KIAA1217: variants seen among roughly 807,000 people sequenced by gnomAD.
KIAA1217 encodes the protein KIAA1217, also known as sickle tail protein homolog.
A neutral mutation model predicts 163.9 loss-of-function variants in KIAA1217; 88 were observed. The observed-to-expected ratio is 0.54, with a 90% CI of 0.45 to 0.64. The LOEUF is 0.64. KIAA1217 is among the 30% of genes least tolerant of loss of function. The pLI is 0.00. For missense variants in KIAA1217, 2,372 were observed against 2,475.0 expected (o/e 0.96, Z 0.88); for synonymous variants, 903 against 923.1 (o/e 0.98, Z 0.39).
In KIAA1217 at chr10:24,066,480, T is replaced by C. The variant is rs2060951521; in HGVS notation, c.-171+59106T>C. On this transcript the variant is annotated intron_variant, in intron 2 of 18. Transcript: ENST00000376462. ...ATGTTGAATATTGGCCCCCACTCCC[T>C]TCTGGCTTGTAGAGTTTCTGCCGAG... is the stretch of plus-strand genomic sequence containing the variant. Among the ~76,000 whole-genome samples the C allele has an allele frequency of 2.0e-5, 3 of 152,228 alleles. No homozygotes were observed. In the South Asian group the frequency reaches 6.2e-4, roughly 31 times the overall value.
At chr10:24,466,421 T>TGAGTC in intron 5 of KIAA1217, 1 of 547,240 alleles carries the variant, frequency 1.8e-6, no homozygotes, top group South Asian at 8.0e-5. Context: ...GTTGAAGGAC[T>TGAGTC]GAGTCACCCG....
Position 24,193,629 on chromosome 10 carries a change from C to T in KIAA1217, c.-170-25997C>T, listed in dbSNP as rs1379256306. Reference sequence around the variant, plus strand: ...ACATGAACAATGGCTTAAATTGTTTCTTCTTGAGGAAATAAACGAGCTGCG... The same window carrying T: ...ACATGAACAATGGCTTAAATTGTTTTTTCTTGAGGAAATAAACGAGCTGCG... On this transcript the variant is annotated intron_variant, in intron 2 of 18. Transcript: ENST00000376462. 2.0e-5 allele frequency among the ~76,000 whole-genome samples: 3 copies of T among 152,182 alleles called. No individual in the cohort carries two copies. In the East Asian group the frequency reaches 5.8e-4, roughly 29 times the overall value.
intron 17 of KIAA1217, among the ~76,000 whole-genome samples, chr10:24,541,425 T>A (rs563066737): frequency 6.6e-6 from 1 of 152,198 alleles, no homozygotes; most frequent in Admixed American, 6.6e-5. Flanking sequence ...GACTGCGTTG[T>A]TTGTGTGTCA....
intron 1 of KIAA1217, among the ~76,000 whole-genome samples, chr10:23,780,418 C>A (rs1835203904): frequency 6.6e-6 from 1 of 152,168 alleles, no homozygotes; most frequent in Non-Finnish European, 1.5e-5. Flanking sequence ...ACCCACATAT[C>A]CCATTTCCTG....
At chr10:24,084,442 G>T (rs139123891) in intron 2 of KIAA1217, among the ~76,000 whole-genome samples, 348 of 152,240 alleles carry the variant, frequency 2.3e-3, no homozygotes, top group African/African-American at 8.1e-3. Context: ...GACACGAAGT[G>T]CTTTTTGTGT....
intron 8 of KIAA1217, among the ~76,000 whole-genome samples, chr10:24,499,703 G>A (rs563351283): frequency 6.6e-6 from 1 of 152,296 alleles, no homozygotes; most frequent in African/African-American, 2.4e-5. Flanking sequence ...CTGCACTCCA[G>A]CCTGGACAAG....
intron 2 of KIAA1217, among the ~76,000 whole-genome samples, chr10:24,202,906 C>T (rs1407007085): frequency 3.3e-5 from 5 of 152,092 alleles, no homozygotes; most frequent in East Asian, 1.9e-4. Flanking sequence ...ATAGGTATAC[C>T]GGGCCAGGGG....
intron 1 of KIAA1217, among the ~76,000 whole-genome samples, chr10:23,759,492 T>C (rs35648795): frequency 0.07 from 10,726 of 152,266 alleles, 568 homozygotes; most frequent in African/African-American, 0.14. Context: ...TTCCTGATCT[T>C]AGAGGAAAAG....
intron 1 of KIAA1217, among the ~76,000 whole-genome samples, chr10:23,998,718 G>A (rs1434162006): frequency 6.6e-6 from 1 of 152,170 alleles, no homozygotes; most frequent in Admixed American, 6.5e-5. Context: ...ACTTACAAAA[G>A]GTCTTACTGA....
At chr10:24,251,355 G>C (rs1361681499) in intron 2 of KIAA1217, among the ~76,000 whole-genome samples, 8 of 135,984 alleles carry the variant, frequency 5.9e-5, no homozygotes, top group Non-Finnish European at 1.1e-4. Context: ...AGCTGTGATT[G>C]TAACTACTGC....
chr10:23,827,986 G>A (rs572623178), intron 1 of KIAA1217, among the ~76,000 whole-genome samples: 1 of 152,354 alleles, frequency 6.6e-6, no homozygotes, highest in South Asian at 2.1e-4. Context: ...AAGTCACAGA[G>A]ACACAGTGAA....
chr10:24,361,879 G>A (rs1014637963), intron 2 of KIAA1217, among the ~76,000 whole-genome samples: 3 of 151,332 alleles, frequency 2.0e-5, no homozygotes, highest in Admixed American at 2.0e-4. Flanking sequence ...GAAGGCTGAG[G>A]CAGGAGAATG....
intron 1 of KIAA1217, among the ~76,000 whole-genome samples, chr10:23,948,383 T>G (rs573673962): frequency 6.6e-6 from 1 of 152,172 alleles, no homozygotes; most frequent in Admixed American, 6.5e-5. Flanking sequence ...CTTACCAGGG[T>G]TTCAAATTTA....
chr10:24,445,063 C>G (rs891661775), intron 5 of KIAA1217, among the ~76,000 whole-genome samples: 1 of 152,168 alleles, frequency 6.6e-6, no homozygotes, highest in Non-Finnish European at 1.5e-5. Context: ...TAGAAGATAG[C>G]AAACCTTTTT....
chr10:23,907,879 T>C (rs1341279638), intron 1 of KIAA1217, among the ~76,000 whole-genome samples: 2 of 150,544 alleles, frequency 1.3e-5, no homozygotes, highest in Non-Finnish European at 3.0e-5. Flanking sequence ...GAAAAAACAA[T>C]GAACAAGAAA....
At chr10:24,435,339 C>T (rs1437176711) in intron 4 of KIAA1217, among the ~76,000 whole-genome samples, 6 of 152,108 alleles carry the variant, frequency 3.9e-5, no homozygotes, top group African/African-American at 1.4e-4. Context: ...ATTCACAAAG[C>T]GTAAACTTGA....
intron 1 of KIAA1217, among the ~76,000 whole-genome samples, chr10:23,922,769 GC>G (rs1418397039): frequency 2.0e-5 from 3 of 152,150 alleles, no homozygotes; most frequent in Admixed American, 2.0e-4. Flanking sequence ...TAAGGGGGAT[GC>G]TTTTAATGAC....
Position 24,381,098 on chromosome 10 carries a change from CT to C in KIAA1217, c.553+34del, listed in dbSNP as rs369050048. 854 of 1,470,494 alleles carry C rather than the reference CT, an allele frequency of 5.8e-4. 6 individuals carry two copies. In the African/African-American group the frequency reaches 0.011, roughly 18 times the overall value. The allele number at this position is 1,470,494 out of a possible 1,614,324, so 91.1% of individuals were successfully genotyped here. ...CTTTAGAAGGCAGTTTCTGATGCCCCTTTCTTACTGAATGCGTTTGTTGTTA... is the reference window on the plus strand; with the variant it reads ...CTTTAGAAGGCAGTTTCTGATGCCCCTTCTTACTGAATGCGTTTGTTGTTA... On this transcript the variant is annotated intron_variant, in intron 3 of 20. Coordinates refer to ENST00000376454, the MANE Select transcript of KIAA1217 (RefSeq NM_019590.5).
At chr10:24,542,542 G>C in intron 17 of KIAA1217, 151 bp from the exon 18 acceptor site, 1 of 1,466,204 alleles carries the variant, frequency 6.8e-7, no homozygotes, top group Non-Finnish European at 9.1e-7. Context: ...AGCAATCCAA[G>C]GTAAACAGCT....
Sources: allele counts gnomAD v4.1 joint callset (sites outside exome capture counted in the v4.1 genomes callset), GRCh38; gene constraint gnomAD v4.1.1; transcripts MANE v1.5; gene names NCBI Gene and HGNC (gene_info 2026-07-23, HGNC 2026-07-21).